The following TMEM168 variants were observed in gnomAD, a reference collection of about 807,000 sequenced individuals.
TMEM168 encodes transmembrane protein 168.
Under a neutral mutation model 53.2 loss-of-function variants are expected in TMEM168, and 40 were observed. The ratio of observed to expected loss-of-function variants is 0.75; its 90% CI spans 0.58 to 0.98. TMEM168 has a LOEUF of 0.98. Ranked by LOEUF, TMEM168 falls within the 50% of genes least tolerant of loss-of-function variation. TMEM168 has a pLI of 0.00. For missense variants in TMEM168, 771 were observed against 828.8 expected (o/e 0.93, Z 0.86); for synonymous variants, 282 against 293.0 (o/e 0.96, Z 0.38).
In TMEM168 at chr7:112,767,730, G is replaced by A. The variant is rs559732706; in HGVS notation, c.1561C>T (p.Arg521Cys). 25 of 1,610,610 alleles carry A rather than the reference G, an allele frequency of 1.6e-5. No homozygotes were observed. Among genetic ancestry groups the A allele is most frequent in the Middle Eastern group, 1.7e-4 (1 of 6,044 alleles). ...EWALAGGDTL[R>C]LDTLIEWWRE... ...CACCATTCTATAAGTGTGTCAAGGCGTAGTGTATCTCCACCTGTGAACAAG... is the reference window on the plus strand; with the variant it reads ...CACCATTCTATAAGTGTGTCAAGGCATAGTGTATCTCCACCTGTGAACAAG... The change falls in exon 5 of 5, where the codon CGC (arginine) becomes TGC (cysteine). Residue 521 changes from arginine (R) to cysteine (C), a missense_variant. Transcript: ENST00000312814.
At chr7:112,786,086 T>C (rs1793372859) in intron 1 of TMEM168, among the ~76,000 whole-genome samples, 1 of 152,066 alleles carries the variant, frequency 6.6e-6, no homozygotes, top group African/African-American at 2.4e-5. Flanking sequence ...GAGGCATCTG[T>C]AATGCCTCAA....
In TMEM168 at chr7:112,783,918, A is replaced by C. The variant is rs1453846981; in HGVS notation, c.908T>G (p.Ile303Ser). The C allele has an allele frequency of 6.3e-7, 1 of 1,597,386 alleles. No individual in the cohort carries two copies. The highest frequency in any genetic ancestry group is 1.2e-5 in the South Asian group (1 of 86,546). ...AATAATATGACAAATCATCCAGAAAATTCCAAAAATGGAAAAGCCAGGTAT... is the reference window on the plus strand; with the variant it reads ...AATAATATGACAAATCATCCAGAAACTTCCAAAAATGGAAAAGCCAGGTAT... ...FVIPGFSIFGIFWMICHIIFL... is the reference protein window; with the variant it reads ...FVIPGFSIFGSFWMICHIIFL... The change falls in exon 2 of 5, where the codon ATT becomes AGT. Residue 303 changes from isoleucine to serine, a missense_variant. By Grantham distance (142) the Ile-to-Ser change is moderately radical. Transcript: ENST00000312814.
chr7:112,767,309 T>C lies in TMEM168; in HGVS notation c.1982A>G (p.Asn661Ser). Residue 661 changes from asparagine to serine, a missense_variant, in exon 5 of 5, where the codon AAC (asparagine) becomes AGC (serine). Asn to Ser is a conservative substitution (Grantham distance 46, BLOSUM62 1). Transcript: ENST00000312814. Reference protein sequence around the residue: ...VHLANWLCGLNLFWICKTCFR... With the variant: ...VHLANWLCGLSLFWICKTCFR... ...ACAAGTTTTGCAGATCCAAAAAAGG[T>C]TCAGACCGCATAACCAATTTGCCAA... 1.9e-6 allele frequency: 3 copies of C among 1,614,060 alleles called. 1 individual carries two copies. In the South Asian group the frequency reaches 3.3e-5, roughly 18 times the overall value.
chr7:112,788,566 A>C (rs1433340846), intron 1 of TMEM168: 1 of 152,228 alleles, frequency 6.6e-6, no homozygotes, highest in Admixed American at 6.5e-5. Context: ...AATAACAGAA[A>C]AACATTACAT....
At position 112,764,224 on chromosome 7, in the gene TMEM168, A is replaced by G. The variant is rs1190642471; in HGVS notation, c.*2973T>C. ...TTGAAAAAAAAGATGATGTTTTTAG[A>G]GCTAGTGGTTTTGTGGTTTTAGCAA... On this transcript the variant is annotated 3_prime_UTR_variant, in exon 5 of 5. Transcript: ENST00000312814. 1 of 151,932 alleles carries G rather than the reference A, an allele frequency of 6.6e-6. No individual in the cohort carries two copies. Among genetic ancestry groups the G allele is most frequent in the Non-Finnish European group, 1.5e-5 (1 of 67,954 alleles). 9.4% of individuals were successfully genotyped at this position (151,932 alleles called of 1,614,324 possible). A position where few individuals can be genotyped will look rare whatever the true frequency, so the allele number is the denominator to read the frequency against.
intron 2 of TMEM168, among the ~76,000 whole-genome samples, chr7:112,782,020 A>G (rs1335395595): frequency 1.3e-5 from 2 of 152,206 alleles, no homozygotes; most frequent in African/African-American, 4.8e-5. Flanking sequence ...TCCAGAATAT[A>G]TAAGGAACTC....
chr7:112,780,534 A>G (rs1793198378), intron 2 of TMEM168, among the ~76,000 whole-genome samples: 1 of 152,154 alleles, frequency 6.6e-6, no homozygotes, highest in South Asian at 2.1e-4. Context: ...ACACAGCAAC[A>G]CAGATGAATC....
chr7:112,766,371 C>T lies in TMEM168; in HGVS notation c.*826G>A, dbSNP rs770402163. ...ACTTAAAATAGACTGAGTCAGTCAA[C>T]GAGAAATTGCTAAATTTCTTCTATG... On this transcript the variant is annotated 3_prime_UTR_variant, in exon 5 of 5. Transcript: ENST00000312814. The T allele has an allele frequency of 4.6e-5, 7 of 152,456 alleles. No homozygotes were observed. Among genetic ancestry groups the T allele is most frequent in the South Asian group, 2.1e-4 (1 of 4,822 alleles). The allele number at this position is 152,456 out of a possible 1,614,324, so 9.4% of individuals were successfully genotyped here.
rs574981172 is a variant in TMEM168 at position 112,781,141 on chromosome 7, G to C, written c.1128+2557C>G. ...AAAGAAGCAAAAAAAAAAAAAGACA[G>C]AATTGAAAAAGCAAGTAGACAATTC... On this transcript the variant is annotated intron_variant, in intron 2 of 4. Transcript: ENST00000312814. 2.0e-5 allele frequency among the ~76,000 whole-genome samples: 3 copies of C among 149,752 alleles called. No individual in the cohort carries two copies. The East Asian group carries it at 5.9e-4, about 29-fold the overall frequency.
intron 2 of TMEM168, among the ~76,000 whole-genome samples, chr7:112,782,738 A>C (rs1239731202): frequency 1.3e-5 from 2 of 152,320 alleles, no homozygotes; most frequent in East Asian, 3.9e-4. Flanking sequence ...ACAAACTGTT[A>C]CAAAGCAGAG....
chr7:112,787,298 C>T (rs763772926), intron 1 of TMEM168, among the ~76,000 whole-genome samples: 9 of 152,046 alleles, frequency 5.9e-5, no homozygotes, highest in Non-Finnish European at 8.8e-5. Context: ...CACCACACAA[C>T]TGCTCTGCTA....
chr7:112,774,501 T>C (rs927359024), intron 3 of TMEM168, among the ~76,000 whole-genome samples: 6 of 151,136 alleles, frequency 4.0e-5, no homozygotes, highest in African/African-American at 1.5e-4. Flanking sequence ...AACAAAGAAC[T>C]AGACCTCCAG....
At chr7:112,788,016 G>A (rs1793439709) in intron 1 of TMEM168, among the ~76,000 whole-genome samples, 1 of 152,142 alleles carries the variant, frequency 6.6e-6, no homozygotes. Flanking sequence ...ACAGGTGTGA[G>A]CCACTGCACC....
intron 1 of TMEM168, among the ~76,000 whole-genome samples, chr7:112,787,978 C>T (rs1039243374): frequency 2.0e-5 from 3 of 151,902 alleles, no homozygotes; most frequent in Admixed American, 1.3e-4. Flanking sequence ...GTGATCCGTC[C>T]GCCTTGGCCT....
chr7:112,773,718 C>T (rs1347848413), intron 3 of TMEM168, among the ~76,000 whole-genome samples: 1 of 151,848 alleles, frequency 6.6e-6, no homozygotes, highest in Non-Finnish European at 1.5e-5. Context: ...AGCAAAATAC[C>T]ATTAATATTG....
At chr7:112,777,875 T>C (rs1041304620) in intron 2 of TMEM168, among the ~76,000 whole-genome samples, 1 of 149,596 alleles carries the variant, frequency 6.7e-6, no homozygotes, top group Non-Finnish European at 1.5e-5. Context: ...TGCTGCTTCT[T>C]GCTCTTGGTG....
chr7:112,784,305 A>G lies in TMEM168; in HGVS notation c.521T>C (p.Val174Ala). 6.2e-7 allele frequency: 1 copy of G among 1,614,216 alleles called. No homozygotes were observed. Among genetic ancestry groups the G allele is most frequent in the Non-Finnish European group, 8.5e-7 (1 of 1,180,032 alleles). ...GFAIASTTML[V>A]EKSLSVILLV... ...CAAAATGACACTCAGAGACTTCTCC[A>G]CCAACATAGTTGTGCTGGCAATGGC... Residue 174 changes from valine to alanine, a missense_variant, in exon 2 of 5, where the codon GTG becomes GCG. Coordinates refer to ENST00000312814, the MANE Select transcript of TMEM168 (RefSeq NM_022484.6).
intron 1 of TMEM168, among the ~76,000 whole-genome samples, chr7:112,788,239 A>G (rs1227189): frequency 0.032 from 4,830 of 152,064 alleles, 245 homozygotes; most frequent in African/African-American, 0.11. Flanking sequence ...CTCACTATAT[A>G]CTTTCTCTAA....
rs564211169 is a variant in TMEM168, at chr7:112,767,114, T to C, written c.*83A>G. The C allele has an allele frequency of 3.7e-5, 51 of 1,370,156 alleles. No homozygotes were observed. The African/African-American group carries it at 7.0e-4, about 19-fold the overall frequency. The allele number at this position is 1,370,156 out of a possible 1,614,324, so 84.9% of individuals were successfully genotyped here. A position where few individuals can be genotyped will look rare whatever the true frequency, so the allele number is the denominator to read the frequency against. On this transcript the variant is annotated 3_prime_UTR_variant, in exon 5 of 5. Coordinates refer to ENST00000312814, the MANE Select transcript of TMEM168 (RefSeq NM_022484.6). ...GAAGTAGCAAGGTATTTTCCACAAA[T>C]AAAAATACAGCATACAAAAAATGGC... is the stretch of plus-strand genomic sequence containing the variant.
Sources: allele counts gnomAD v4.1 joint callset (sites outside exome capture counted in the v4.1 genomes callset), GRCh38; gene constraint gnomAD v4.1.1; transcripts MANE v1.5; gene names NCBI Gene and HGNC (gene_info 2026-07-23, HGNC 2026-07-21).